The following RBFOX3 variants were observed in gnomAD, a reference collection of about 807,000 sequenced individuals.
The protein encoded by RBFOX3 is RNA binding protein fox-1 homolog 3.
In RBFOX3, 17 loss-of-function variants were observed where a neutral mutation model predicts 48.7. The observed-to-expected ratio is 0.35, with a 90% CI of 0.24 to 0.52. The LOEUF (loss-of-function observed/expected upper bound fraction) is 0.52, where lower values mean the gene tolerates loss of function less well. RBFOX3 is among the 20% of genes least tolerant of loss of function. The probability of loss-of-function intolerance (pLI) is 0.94; values close to 1 mark genes in which losing one functional copy is unlikely to be tolerated. For synonymous variants in RBFOX3, 212 were observed against 209.5 expected (o/e 1.01, Z -0.10); for missense variants, 382 against 497.5 (o/e 0.77, Z 2.21).
In RBFOX3 at chr17:79,166,478, G is replaced by GA. The variant is rs397933135; in HGVS notation, c.-33-50731dup. Among the ~76,000 whole-genome samples, 106 of 151,842 alleles carry GA rather than the reference G, an allele frequency of 7.0e-4. 1 individual carries two copies. The highest frequency in any genetic ancestry group is 6.8e-3 in the Middle Eastern group (2 of 294). ...TCAGCTCTCAGCCACAGATGAAGGG[G>GA]AGTCCAAGAGCCACCCACGGGGAGC... On this transcript the variant is annotated intron_variant, in intron 4 of 14. Transcript: ENST00000693108.
chr17:79,219,990 G>C (rs558264739), intron 4 of RBFOX3, among the ~76,000 whole-genome samples: 1 of 149,118 alleles, frequency 6.7e-6, no homozygotes, highest in Non-Finnish European at 1.5e-5. Flanking sequence ...CAGTCTGGCC[G>C]ACAGCCAGCA....
chr17:79,590,015 C>A (rs977587194), intron 1 of RBFOX3, among the ~76,000 whole-genome samples: 14 of 152,140 alleles, frequency 9.2e-5, no homozygotes, highest in Non-Finnish European at 2.1e-4. Context: ...CCCTCCACCC[C>A]CCATGTATTC....
At chr17:79,398,481 G>A (rs775842710) in intron 2 of RBFOX3, among the ~76,000 whole-genome samples, 2 of 128,858 alleles carry the variant, frequency 1.6e-5, no homozygotes, top group African/African-American at 5.9e-5. Flanking sequence ...CCACGTCAGC[G>A]GCTCTCCACC....
chr17:79,106,151 C>G (rs902723869), intron 6 of RBFOX3, among the ~76,000 whole-genome samples: 1 of 152,070 alleles, frequency 6.6e-6, no homozygotes, highest in Non-Finnish European at 1.5e-5. Flanking sequence ...GACACAGGCC[C>G]GGAGAGGTTG....
upstream of RBFOX3, among the ~76,000 whole-genome samples, chr17:79,613,020 G>C (rs1191579599): frequency 6.6e-6 from 1 of 152,228 alleles, no homozygotes; most frequent in African/African-American, 2.4e-5. Flanking sequence ...GCCCATCTCC[G>C]TCTCCCTTCA....
intron 4 of RBFOX3, among the ~76,000 whole-genome samples, chr17:79,143,160 C>T (rs934958887): frequency 3.3e-5 from 5 of 152,156 alleles, no homozygotes; most frequent in Admixed American, 1.3e-4. Flanking sequence ...GAAGGGGGGT[C>T]CCTGTGTCTG....
At position 79,362,513 on chromosome 17, in the gene RBFOX3, AG is replaced by A. The variant is rs1189904872; in HGVS notation, c.-174-54690del. On this transcript the variant is annotated intron_variant, in intron 2 of 14. Transcript: ENST00000693108. The surrounding 1 kb of genome is among the most constrained non-coding windows in gnomAD (Gnocchi z 4.2). ...TGGATGGCACTAGGCTGAGGGGAGC[AG>A]GGGGAGCAGTGTCAGCAGGGGCCTG... Among the ~76,000 whole-genome samples, 1 of 152,152 alleles carries A rather than the reference AG, an allele frequency of 6.6e-6. No individual in the cohort carries two copies. The highest frequency in any genetic ancestry group is 2.4e-5 in the African/African-American group (1 of 41,432).
chr17:79,397,173 A>G (rs915710407), intron 2 of RBFOX3, among the ~76,000 whole-genome samples: 1 of 152,288 alleles, frequency 6.6e-6, no homozygotes, highest in African/African-American at 2.4e-5. Flanking sequence ...TTACATTCAA[A>G]TAAGTGACTA....
chr17:79,637,962 G>T, the RBFOX3 span, among the ~76,000 whole-genome samples: 1 of 152,120 alleles, frequency 6.6e-6, no homozygotes, highest in African/African-American at 2.4e-5. Flanking sequence ...TCACAAATAT[G>T]TGGAAACTAA....
chr17:79,384,216 C>T (rs1024717539), intron 2 of RBFOX3, among the ~76,000 whole-genome samples: 1 of 152,194 alleles, frequency 6.6e-6, no homozygotes, highest in African/African-American at 2.4e-5. Context: ...CCAGGACTCA[C>T]TCTGGGGACC....
intron 2 of RBFOX3, among the ~76,000 whole-genome samples, chr17:79,382,011 C>T (rs2059986523): frequency 1.3e-5 from 2 of 152,204 alleles, no homozygotes; most frequent in Admixed American, 1.3e-4. Flanking sequence ...ACCCTTCCAA[C>T]AGCAGCCGCC....
chr17:79,140,120 C>T (rs971512294), intron 4 of RBFOX3, among the ~76,000 whole-genome samples: 3 of 152,270 alleles, frequency 2.0e-5, no homozygotes, highest in African/African-American at 7.2e-5. Context: ...GCAATGACAG[C>T]CTCGCATGTC....
intron 2 of RBFOX3, among the ~76,000 whole-genome samples, chr17:79,312,926 G>C (rs947285197): frequency 6.6e-6 from 1 of 152,114 alleles, no homozygotes; most frequent in African/African-American, 2.4e-5. Context: ...CAGTGGGACC[G>C]AGGGAAGCCC....
chr17:79,172,234 T>C (rs975826378), intron 4 of RBFOX3, among the ~76,000 whole-genome samples: 3 of 138,000 alleles, frequency 2.2e-5, no homozygotes, highest in Non-Finnish European at 3.2e-5. Context: ...TTTTCCCAAA[T>C]GAGGACATTT....
chr17:79,217,222 A>G (rs2059172024), intron 4 of RBFOX3, among the ~76,000 whole-genome samples: 1 of 152,232 alleles, frequency 6.6e-6, no homozygotes, highest in Non-Finnish European at 1.5e-5. Context: ...CACAGAAATC[A>G]TTGGCCGCAA....
At chr17:79,654,112 G>C in the RBFOX3 span, among the ~76,000 whole-genome samples, 31 of 152,214 alleles carry the variant, frequency 2.0e-4, no homozygotes, top group African/African-American at 7.5e-4. Flanking sequence ...GAAAGAAAGA[G>C]GGAATTGTGG....
intron 3 of RBFOX3, among the ~76,000 whole-genome samples, chr17:79,256,969 AAAAAG>A (rs2064983885): frequency 1.3e-5 from 2 of 151,722 alleles, no homozygotes; most frequent in African/African-American, 4.8e-5. Flanking sequence ...CAAAAAAAAG[AAAAAG>A]AAAAGGAAAG....
intron 14 of RBFOX3, among the ~76,000 whole-genome samples, chr17:79,094,089 A>G (rs1296475095): frequency 6.6e-6 from 1 of 152,154 alleles, no homozygotes; most frequent in Admixed American, 6.5e-5. Flanking sequence ...TCTGCTGGGA[A>G]GGAGAGGCGG....
At chr17:79,492,677 T>C (rs1441366414) in intron 1 of RBFOX3, among the ~76,000 whole-genome samples, 6 of 152,208 alleles carry the variant, frequency 3.9e-5, no homozygotes, top group Non-Finnish European at 8.8e-5. Flanking sequence ...AGCTAATAAA[T>C]GATTGTTGTC....
Sources: allele counts gnomAD v4.1 joint callset (sites outside exome capture counted in the v4.1 genomes callset), GRCh38; gene constraint gnomAD v4.1.1; non-coding constraint Gnocchi (gnomAD v3.1); transcripts MANE v1.5; gene names NCBI Gene and HGNC (gene_info 2026-07-23, HGNC 2026-07-21).